The following RBMS1 variants were observed in gnomAD, a reference collection of about 807,000 sequenced individuals.
RBMS1 encodes RNA binding motif single stranded interacting protein 1, also known as RNA-binding motif, single-stranded-interacting protein 1.
In RBMS1, 17 loss-of-function variants were observed where a neutral mutation model predicts 62.3. That is an observed-to-expected ratio of 0.27 (90% CI 0.19 to 0.41). The LOEUF is 0.41. Ranked by LOEUF, RBMS1 falls within the 10% of genes least tolerant of loss-of-function variation. RBMS1 has a pLI of 1.00. For synonymous variants in RBMS1, 172 were observed against 170.0 expected (o/e 1.01, Z -0.09); for missense variants, 334 against 504.5 (o/e 0.66, Z 3.24).
At chr2:160,411,591 G>C (rs1696038863) in intron 1 of RBMS1, among the ~76,000 whole-genome samples, 1 of 152,180 alleles carries the variant, frequency 6.6e-6, no homozygotes, top group African/African-American at 2.4e-5. Flanking sequence ...GCAGAACCAA[G>C]CAGATCTGGG....
At chr2:160,492,522 T>C (rs538032962) in intron 1 of RBMS1, among the ~76,000 whole-genome samples, 21 of 152,320 alleles carry the variant, frequency 1.4e-4, no homozygotes, top group African/African-American at 5.1e-4. Context: ...AAGCTAGTTT[T>C]GTTTTTGTTT....
intron 2 of RBMS1, among the ~76,000 whole-genome samples, 169 bp from the exon 3 acceptor site, chr2:160,318,396 A>G (rs1294794396): frequency 1.3e-5 from 2 of 152,180 alleles, no homozygotes; most frequent in African/African-American, 4.8e-5. Context: ...AGAATTCTGA[A>G]CTCAAAACTG....
chr2:160,488,678 A>G (rs1685697770), intron 1 of RBMS1, among the ~76,000 whole-genome samples: 1 of 152,242 alleles, frequency 6.6e-6, no homozygotes, highest in African/African-American at 2.4e-5. Flanking sequence ...GTTTGGTTTT[A>G]TACCAAATGT....
chr2:160,311,236 A>ATCTATCTATCTATC (rs1553505443), intron 4 of RBMS1, among the ~76,000 whole-genome samples: 12 of 60,720 alleles, frequency 2.0e-4, no homozygotes, highest in African/African-American at 7.1e-4. Context: ...ATCTATCTAT[A>ATCTATCTATCTATC]TATATATATA....
At chr2:160,416,344 A>G (rs1482037855) in intron 1 of RBMS1, among the ~76,000 whole-genome samples, 1 of 151,920 alleles carries the variant, frequency 6.6e-6, no homozygotes, top group Non-Finnish European at 1.5e-5. Flanking sequence ...GGCAAATACA[A>G]TGTTTCAAAC....
At chr2:160,468,690 G>A (rs1174856943) in intron 1 of RBMS1, among the ~76,000 whole-genome samples, 1 of 152,202 alleles carries the variant, frequency 6.6e-6, no homozygotes, top group African/African-American at 2.4e-5. Flanking sequence ...GGGCAGGAAA[G>A]TTTGAGGTAA....
chr2:160,361,569 A>G (rs1179190822), intron 2 of RBMS1, among the ~76,000 whole-genome samples: 1 of 152,222 alleles, frequency 6.6e-6, no homozygotes, highest in Non-Finnish European at 1.5e-5. Flanking sequence ...TTTGTTTCCC[A>G]AGCATATGTA....
intron 2 of RBMS1, among the ~76,000 whole-genome samples, chr2:160,328,571 T>C (rs1226842648): frequency 6.6e-6 from 1 of 152,188 alleles, no homozygotes; most frequent in Non-Finnish European, 1.5e-5. Context: ...TATGACCTTA[T>C]AGTTTATGCC....
intron 2 of RBMS1, among the ~76,000 whole-genome samples, chr2:160,330,051 A>T (rs998671254): frequency 3.9e-5 from 6 of 152,156 alleles, no homozygotes; most frequent in African/African-American, 1.4e-4. Context: ...TTAATTTTAG[A>T]CTTGTAACCT....
chr2:160,281,568 T>C, intron 9 of RBMS1: 1 of 449,254 alleles, frequency 2.2e-6, no homozygotes, highest in Non-Finnish European at 4.0e-6. Context: ...TAGAAACAAT[T>C]TCTATTTGCC....
intron 1 of RBMS1, among the ~76,000 whole-genome samples, chr2:160,370,516 A>C (rs148554545): frequency 1.1e-3 from 160 of 152,280 alleles, no homozygotes; most frequent in Middle Eastern, 3.4e-3. Context: ...TACCATACTT[A>C]ATTCAATCAG....
chr2:160,393,161 A>G (rs1052488491), intron 1 of RBMS1, among the ~76,000 whole-genome samples: 2 of 152,180 alleles, frequency 1.3e-5, no homozygotes, highest in African/African-American at 4.8e-5. Context: ...AAAACAGCCC[A>G]TTGAGAACTC....
At chr2:160,304,040 A>G (rs2105953661) in intron 4 of RBMS1, among the ~76,000 whole-genome samples, 1 of 152,314 alleles carries the variant, frequency 6.6e-6, no homozygotes, top group South Asian at 2.1e-4. Context: ...AGAAATAACA[A>G]AGCCGTATAA....
chr2:160,314,207 A>G (rs548274158), intron 3 of RBMS1, among the ~76,000 whole-genome samples: 1 of 152,344 alleles, frequency 6.6e-6, no homozygotes, highest in African/African-American at 2.4e-5. Context: ...AACAGATCCC[A>G]TGAGTATCAC....
At chr2:160,350,976 T>G (rs1392375121) in intron 2 of RBMS1, among the ~76,000 whole-genome samples, 1 of 152,074 alleles carries the variant, frequency 6.6e-6, no homozygotes, top group African/African-American at 2.4e-5. Context: ...ACCAACAGTG[T>G]AAAAGTGTTC....
intron 2 of RBMS1, among the ~76,000 whole-genome samples, chr2:160,321,229 A>ACATCTGGCATGAGTCCGCTC (rs1690542499): frequency 6.6e-6 from 1 of 152,152 alleles, no homozygotes; most frequent in African/African-American, 2.4e-5. Context: ...CTTGTTTGCT[A>ACATCTGGCATGAGTCCGCTC]CATCTGGCAT....
At chr2:160,361,475 G>A (rs184065212) in intron 2 of RBMS1, among the ~76,000 whole-genome samples, 1 of 152,308 alleles carries the variant, frequency 6.6e-6, no homozygotes, top group Admixed American at 6.5e-5. Flanking sequence ...TGCAAACACA[G>A]GCATATCTCA....
At chr2:160,284,714 T>A in intron 9 of RBMS1, 61 bp downstream of exon 9, 1 of 1,267,230 alleles carries the variant, frequency 7.9e-7, no homozygotes. Context: ...CACATAAAAA[T>A]GTAGCAGAGA....
rs1307523825 is a variant in RBMS1, at chr2:160,387,580, A to G, written c.76-20189T>C. On this transcript the variant is annotated intron_variant, in intron 1 of 13. Transcript: ENST00000348849. ...CTGGAACATTTTCTGTCTGTGCTGCAAATGACAGTCTTTCCTACTCTGTGT... is the reference window on the plus strand; with the variant it reads ...CTGGAACATTTTCTGTCTGTGCTGCGAATGACAGTCTTTCCTACTCTGTGT... Among the ~76,000 whole-genome samples the G allele has an allele frequency of 2.6e-5, 4 of 152,164 alleles. No individual in the cohort carries two copies. The East Asian group carries it at 7.7e-4, about 29-fold the overall frequency.
Sources: allele counts gnomAD v4.1 joint callset (sites outside exome capture counted in the v4.1 genomes callset), GRCh38; gene constraint gnomAD v4.1.1; transcripts MANE v1.5; gene names NCBI Gene and HGNC (gene_info 2026-07-23, HGNC 2026-07-21).